Variants in FAM171A1 observed in about 807,000 individuals in gnomAD.
The protein encoded by FAM171A1 is family with sequence similarity 171 member A1, also known as protein FAM171A1.
In FAM171A1, 23 loss-of-function variants were observed where a neutral mutation model predicts 74.9. The ratio of observed to expected loss-of-function variants is 0.31; its 90% confidence interval spans 0.22 to 0.44. FAM171A1 has a LOEUF of 0.44. FAM171A1 is among the 20% of genes least tolerant of loss of function. The pLI is 1.00. For synonymous variants in FAM171A1, 527 were observed against 505.7 expected (o/e 1.04, Z -0.57); for missense variants, 1,162 against 1,159.2 (o/e 1.00, Z -0.03).
rs1419737436 is a variant in FAM171A1 at position 15,212,706 on chromosome 10, G to C, written c.*209C>G. ...CACCACTTTCAGCCACCTCCTTGCA[G>C]GGGCGACATCCGCCAAAGTCATCCT... On this transcript the variant is annotated 3_prime_UTR_variant, in exon 8 of 8. Coordinates refer to ENST00000378116, the MANE Select transcript of FAM171A1 (RefSeq NM_001010924.2). 1 of 700,172 alleles carries C rather than the reference G, an allele frequency of 1.4e-6. No homozygotes were observed. Among genetic ancestry groups the C allele is most frequent in the Non-Finnish European group, 2.3e-6 (1 of 438,106 alleles). 43.4% of individuals were successfully genotyped at this position (700,172 alleles called of 1,614,324 possible).
At chr10:15,332,320 A>G (rs1476039799) in intron 1 of FAM171A1, among the ~76,000 whole-genome samples, 1 of 152,182 alleles carries the variant, frequency 6.6e-6, no homozygotes, top group Non-Finnish European at 1.5e-5. Flanking sequence ...ACCAAGAAGC[A>G]ATCCAGTATT....
At chr10:15,370,505 G>A (rs1836127298) in intron 1 of FAM171A1, among the ~76,000 whole-genome samples, 1 of 151,970 alleles carries the variant, frequency 6.6e-6, no homozygotes, top group South Asian at 2.1e-4. Flanking sequence ...AGGCCCCAGC[G>A]CAGCCCAGGA....
chr10:15,277,897 C>G (rs1410603789), intron 2 of FAM171A1, among the ~76,000 whole-genome samples: 4 of 152,266 alleles, frequency 2.6e-5, no homozygotes, highest in African/African-American at 7.2e-5. Context: ...GCTGGAATTA[C>G]AGGTGTGCAT....
intron 5 of FAM171A1, 150 bp downstream of exon 5, chr10:15,248,489 G>A (rs997324506): frequency 8.5e-6 from 6 of 705,912 alleles, no homozygotes; most frequent in East Asian, 3.1e-5. Context: ...GGGGAAGGGT[G>A]CCGTCCCCAT....
At chr10:15,268,983 A>T (rs1363900917) in intron 3 of FAM171A1, among the ~76,000 whole-genome samples, 1 of 152,222 alleles carries the variant, frequency 6.6e-6, no homozygotes, top group Non-Finnish European at 1.5e-5. Context: ...CGGATATTGC[A>T]GTGAGCCAAG....
intron 1 of FAM171A1, among the ~76,000 whole-genome samples, chr10:15,305,101 A>G (rs1835277408): frequency 6.6e-6 from 1 of 152,176 alleles, no homozygotes; most frequent in South Asian, 2.1e-4. Context: ...ACACCTGAAT[A>G]ATAATAAAAC....
intron 1 of FAM171A1, among the ~76,000 whole-genome samples, chr10:15,309,577 A>G (rs2131836139): frequency 6.6e-6 from 1 of 152,388 alleles, no homozygotes; most frequent in African/African-American, 2.4e-5. Flanking sequence ...CTCACAACTC[A>G]TGATTTAAAA....
intron 1 of FAM171A1, among the ~76,000 whole-genome samples, chr10:15,334,864 G>A (rs1395410883): frequency 6.6e-6 from 1 of 152,238 alleles, no homozygotes; most frequent in African/African-American, 2.4e-5. Flanking sequence ...AAGGTTGTAT[G>A]AGTTCAGAAC....
intron 3 of FAM171A1, among the ~76,000 whole-genome samples, chr10:15,273,142 T>C (rs372302628): frequency 2.0e-5 from 3 of 151,998 alleles, no homozygotes; most frequent in South Asian, 4.2e-4. Flanking sequence ...GATAGACCAC[T>C]AGCAAGACTA....
At chr10:15,279,789 G>A (rs1292484875) in intron 2 of FAM171A1, among the ~76,000 whole-genome samples, 1 of 152,110 alleles carries the variant, frequency 6.6e-6, no homozygotes, top group Non-Finnish European at 1.5e-5. Context: ...ATGGTGGCGT[G>A]CACCTGCAGT....
intron 1 of FAM171A1, among the ~76,000 whole-genome samples, chr10:15,353,136 A>T (rs1835898150): frequency 6.6e-6 from 1 of 152,216 alleles, no homozygotes; most frequent in African/African-American, 2.4e-5. Context: ...CTTATCGCAC[A>T]TTCAAAAACA....
chr10:15,267,007 A>G (rs1167904409), intron 3 of FAM171A1, among the ~76,000 whole-genome samples: 1 of 152,222 alleles, frequency 6.6e-6, no homozygotes, highest in African/African-American at 2.4e-5. Context: ...GCTCCACCTC[A>G]GGTAGACCCA....
chr10:15,235,816 G>A (rs1834280880), intron 5 of FAM171A1, among the ~76,000 whole-genome samples: 1 of 152,098 alleles, frequency 6.6e-6, no homozygotes. Context: ...GAAGCGGTCT[G>A]GATCTACAGG....
chr10:15,344,902 G>A (rs936574320), intron 1 of FAM171A1, among the ~76,000 whole-genome samples: 3 of 152,302 alleles, frequency 2.0e-5, no homozygotes, highest in Admixed American at 2.0e-4. Flanking sequence ...CAGAATATTC[G>A]TCTCACAGTT....
At chr10:15,215,973 T>C (rs775858297) in intron 7 of FAM171A1, 23 bp downstream of exon 7, 3 of 1,491,232 alleles carry the variant, frequency 2.0e-6, no homozygotes, top group Non-Finnish European at 2.7e-6. Context: ...AAAAAAGATA[T>C]TGCCAAAATG....
chr10:15,212,735 T>C lies in FAM171A1; in HGVS notation c.*180A>G. On this transcript the variant is annotated 3_prime_UTR_variant, in exon 8 of 8. Transcript: ENST00000378116. ...CGACATCCGCCAAAGTCATCCTTTATTCCGAGTAATAACTTTAATTCCTTT... is the reference window on the plus strand; with the variant it reads ...CGACATCCGCCAAAGTCATCCTTTACTCCGAGTAATAACTTTAATTCCTTT... The C allele has an allele frequency of 1.1e-6, 1 of 885,052 alleles. No homozygotes were observed. Among genetic ancestry groups the C allele is most frequent in the African/African-American group, 1.7e-5 (1 of 59,808 alleles). 54.8% of individuals were successfully genotyped at this position (885,052 alleles called of 1,614,324 possible).
chr10:15,269,829 A>C (rs1834798647), intron 3 of FAM171A1, among the ~76,000 whole-genome samples: 1 of 152,304 alleles, frequency 6.6e-6, no homozygotes, highest in Admixed American at 6.5e-5. Flanking sequence ...ATCAAATTCA[A>C]ATGTGGTGTG....
At chr10:15,220,916 A>G in intron 6 of FAM171A1, 28 bp downstream of exon 6, 2 of 1,558,476 alleles carry the variant, frequency 1.3e-6, no homozygotes, top group Non-Finnish European at 8.8e-7. Context: ...ACTGATCCGC[A>G]TCATCGCAAG....
intron 5 of FAM171A1, among the ~76,000 whole-genome samples, chr10:15,227,695 T>TTA (rs1411958065): frequency 1.3e-5 from 2 of 152,244 alleles, no homozygotes; most frequent in African/African-American, 4.8e-5. Flanking sequence ...GTATCATTCT[T>TTA]TAGAGTTAGA....
Sources: gnomAD v4.1 joint callset for allele counts (sites outside exome capture counted in the v4.1 genomes callset) on GRCh38, gnomAD v4.1.1 for gene constraint, MANE v1.5 for transcripts, NCBI Gene and HGNC (gene_info 2026-07-23, HGNC 2026-07-21) for gene names.